Variants in USP8 observed in about 807,000 individuals in gnomAD.
The protein encoded by USP8 is ubiquitin specific peptidase 8.
A neutral mutation model predicts 130.0 loss-of-function variants in USP8; 27 were observed. That is an observed-to-expected ratio of 0.21 (90% CI 0.15 to 0.29). USP8 has a LOEUF of 0.29. USP8 is among the 10% of genes least tolerant of loss of function. The probability of loss-of-function intolerance (pLI) is 1.00; values close to 1 mark genes in which losing one functional copy is unlikely to be tolerated. For missense variants in USP8, 1,029 were observed against 1,312.2 expected (o/e 0.78, Z 3.33); for synonymous variants, 392 against 444.1 (o/e 0.88, Z 1.48).
At chr15:50,454,872 C>T (rs1025278554) in intron 4 of USP8, among the ~76,000 whole-genome samples, 5 of 152,208 alleles carry the variant, frequency 3.3e-5, no homozygotes, top group African/African-American at 1.2e-4. Flanking sequence ...CCTCAAACTC[C>T]TGGGCTCAAG....
chr15:50,451,619 A>T (rs1278672620), intron 4 of USP8, among the ~76,000 whole-genome samples: 1 of 152,096 alleles, frequency 6.6e-6, no homozygotes, highest in African/African-American at 2.4e-5. Flanking sequence ...TTGCAGCTAG[A>T]TGTGGAGAAC....
chr15:50,490,245 TTTTC>T lies in USP8; in HGVS notation c.1972-14_1972-11del, dbSNP rs2052108589. ...TTTTTGTTTTTTGACCTGTTTTTTT[TTTTC>T]TTTTCCATCTAAGTTTCTTGACCCA... On this transcript the variant is annotated splice_polypyrimidine_tract_variant and intron_variant, in intron 13 of 19. Transcript: ENST00000307179. The T allele has an allele frequency of 2.5e-6, 4 of 1,579,978 alleles. No individual in the cohort carries two copies. The South Asian group carries it at 4.7e-5, about 19-fold the overall frequency.
At chr15:50,471,547 C>T in intron 7 of USP8, 86 bp from the exon 8 acceptor site, 2 of 1,462,154 alleles carry the variant, frequency 1.4e-6, no homozygotes, top group Non-Finnish European at 9.2e-7. Flanking sequence ...GTGGTAAAGA[C>T]TGTGGAACAA....
intron 1 of USP8, among the ~76,000 whole-genome samples, chr15:50,437,028 G>A (rs188427784): frequency 6.6e-6 from 1 of 151,170 alleles, no homozygotes; most frequent in African/African-American, 2.4e-5. Flanking sequence ...TGTATTTTTT[G>A]TTACTTGCTT....
chr15:50,426,421 C>T (rs965438418), intron 1 of USP8, among the ~76,000 whole-genome samples: 4 of 152,156 alleles, frequency 2.6e-5, no homozygotes, highest in Admixed American at 1.3e-4. Flanking sequence ...TGACTTAAAA[C>T]TGTAATTTAG....
chr15:50,467,101 T>G, intron 7 of USP8: 2 of 499,810 alleles, frequency 4.0e-6, no homozygotes, highest in Admixed American at 6.1e-5. Flanking sequence ...GATGCTTAAG[T>G]CAACTATTTT....
At chr15:50,495,019 A>T (rs2052321675) in intron 16 of USP8, among the ~76,000 whole-genome samples, 1 of 135,796 alleles carries the variant, frequency 7.4e-6, no homozygotes, top group African/African-American at 2.6e-5. Flanking sequence ...ACTCTTTCTA[A>T]AAAAAAAAAA....
intron 3 of USP8, among the ~76,000 whole-genome samples, chr15:50,444,857 A>G (rs1307215174): frequency 6.6e-6 from 1 of 152,172 alleles, no homozygotes. Context: ...TCCTGGGCTC[A>G]GCTGATTCTC....
intron 3 of USP8, among the ~76,000 whole-genome samples, chr15:50,448,909 A>G (rs1003158028): frequency 6.6e-6 from 1 of 152,186 alleles, no homozygotes; most frequent in African/African-American, 2.4e-5. Flanking sequence ...TATGTATCAA[A>G]AGTGTTTTGA....
At chr15:50,428,351 A>G (rs935335465) in intron 1 of USP8, among the ~76,000 whole-genome samples, 2 of 152,188 alleles carry the variant, frequency 1.3e-5, no homozygotes, top group Non-Finnish European at 2.9e-5. Context: ...TCCTGAGCTC[A>G]GGCAATCCAC....
intron 10 of USP8, among the ~76,000 whole-genome samples, chr15:50,478,754 A>G (rs1028247179): frequency 6.6e-6 from 1 of 152,156 alleles, no homozygotes; most frequent in East Asian, 1.9e-4. Context: ...AAGATCTTCT[A>G]TATAAAAAAC....
intron 10 of USP8, among the ~76,000 whole-genome samples, chr15:50,479,697 A>G (rs1432032888): frequency 5.9e-5 from 9 of 151,912 alleles, no homozygotes; most frequent in Non-Finnish European, 1.3e-4. Flanking sequence ...ATTTTTTTTA[A>G]GAGGCAGAAA....
At chr15:50,481,317 TTC>T (rs2051759678) in intron 10 of USP8, among the ~76,000 whole-genome samples, 162 bp from the exon 11 acceptor site, 1 of 152,214 alleles carries the variant, frequency 6.6e-6, no homozygotes, top group African/African-American at 2.4e-5. Context: ...ACCATTCAAG[TTC>T]TGTTTTATGA....
intron 8 of USP8, 87 bp downstream of exon 8, chr15:50,471,882 T>A: frequency 7.3e-7 from 1 of 1,368,674 alleles, no homozygotes; most frequent in Non-Finnish European, 1.0e-6. Flanking sequence ...TTATCTTAAA[T>A]ACTAAAAGAT....
intron 6 of USP8, 136 bp from the exon 7 acceptor site, chr15:50,464,911 G>C (rs2051133310): frequency 2.4e-6 from 2 of 844,942 alleles, no homozygotes; most frequent in African/African-American, 1.8e-5. Flanking sequence ...TGGTATGATG[G>C]AGTAGTAAAT....
At chr15:50,440,279 C>G (rs539187871) in intron 2 of USP8, among the ~76,000 whole-genome samples, 9 of 152,318 alleles carry the variant, frequency 5.9e-5, no homozygotes, top group African/African-American at 2.2e-4. Flanking sequence ...TTATTCCTTT[C>G]TAGTAATGTC....
chr15:50,492,677 T>A (rs760144794), intron 14 of USP8, 24 bp from the exon 15 acceptor site: 5 of 1,607,020 alleles, frequency 3.1e-6, no homozygotes, highest in South Asian at 2.2e-5. Flanking sequence ...TTTTAAGACA[T>A]CTTGTATCCT....
chr15:50,480,712 C>T (rs2051736060), intron 10 of USP8, among the ~76,000 whole-genome samples: 1 of 151,526 alleles, frequency 6.6e-6, no homozygotes, highest in Admixed American at 6.6e-5. Flanking sequence ...CCATACAGGG[C>T]ATTACAGACT....
chr15:50,471,581 A>T, intron 7 of USP8, 52 bp from the exon 8 acceptor site: 1 of 1,587,484 alleles, frequency 6.3e-7, no homozygotes, highest in East Asian at 2.2e-5. Flanking sequence ...CTGTTAGTAT[A>T]TTAGGACCTC....
Sources: gnomAD v4.1 joint callset for allele counts (sites outside exome capture counted in the v4.1 genomes callset) on GRCh38, gnomAD v4.1.1 for gene constraint, MANE v1.5 for transcripts, NCBI Gene and HGNC (gene_info 2026-07-23, HGNC 2026-07-21) for gene names.